The following HPSE2 variants were observed in gnomAD, a reference collection of about 807,000 sequenced individuals.
HPSE2 encodes heparanase 2 (inactive).
A neutral mutation model predicts 60.5 loss-of-function variants in HPSE2; 38 were observed. The observed-to-expected ratio is 0.63, with a 90% confidence interval of 0.48 to 0.82. The LOEUF is 0.82. HPSE2 is among the 40% of genes least tolerant of loss of function. The pLI, the probability that HPSE2 is intolerant of heterozygous loss-of-function variation, is 0.00. For synonymous variants in HPSE2, 295 were observed against 293.2 expected (o/e 1.01, Z -0.06); for missense variants, 713 against 740.4 (o/e 0.96, Z 0.43).
At chr10:98,482,503 C>G in intron 11 of HPSE2, 133 bp downstream of exon 11, 1 of 1,097,114 alleles carries the variant, frequency 9.1e-7, no homozygotes, top group Non-Finnish European at 1.4e-6. Flanking sequence ...TCACCTGACC[C>G]CAGACCGCTC....
chr10:99,003,637 G>A (rs1956825750), intron 3 of HPSE2, among the ~76,000 whole-genome samples: 1 of 151,990 alleles, frequency 6.6e-6, no homozygotes, highest in Admixed American at 6.5e-5. Context: ...CTTCTTTTGA[G>A]ATATATCTAT....
chr10:98,587,011 T>C (rs1367363426), intron 9 of HPSE2, among the ~76,000 whole-genome samples: 1 of 152,244 alleles, frequency 6.6e-6, no homozygotes, highest in Non-Finnish European at 1.5e-5. Flanking sequence ...CAGCAGGAGA[T>C]TTGAAGGATT....
chr10:98,976,586 A>C (rs1470870049), intron 3 of HPSE2, among the ~76,000 whole-genome samples: 3 of 152,102 alleles, frequency 2.0e-5, no homozygotes, highest in Admixed American at 6.6e-5. Flanking sequence ...ATATACTCTA[A>C]CGATACAATT....
intron 3 of HPSE2, among the ~76,000 whole-genome samples, chr10:99,025,390 A>G (rs762956413): frequency 1.3e-5 from 2 of 152,214 alleles, no homozygotes; most frequent in African/African-American, 2.4e-5. Context: ...CCATAAACAC[A>G]CATGCATGCA....
intron 3 of HPSE2, among the ~76,000 whole-genome samples, chr10:98,946,687 A>G (rs994679996): frequency 1.3e-5 from 2 of 152,118 alleles, no homozygotes; most frequent in African/African-American, 4.8e-5. Flanking sequence ...GCACACAAAC[A>G]CTTATAAACT....
chr10:98,938,300 G>A (rs1954872933), intron 3 of HPSE2, among the ~76,000 whole-genome samples: 3 of 144,532 alleles, frequency 2.1e-5, no homozygotes, highest in Non-Finnish European at 4.5e-5. Flanking sequence ...CGAGCTACAG[G>A]AGGAAATTCA....
intron 9 of HPSE2, among the ~76,000 whole-genome samples, chr10:98,490,768 G>A (rs1258071170): frequency 6.6e-6 from 1 of 152,112 alleles, no homozygotes; most frequent in Admixed American, 6.5e-5. Context: ...TTGCAACCAC[G>A]GTGCTAATTC....
intron 3 of HPSE2, among the ~76,000 whole-genome samples, chr10:98,844,825 A>C (rs930643325): frequency 1.3e-5 from 2 of 152,214 alleles, no homozygotes; most frequent in African/African-American, 4.8e-5. Flanking sequence ...TTTTACAGAT[A>C]AGAAATCTGA....
intron 9 of HPSE2, among the ~76,000 whole-genome samples, chr10:98,568,554 G>T (rs1944409857): frequency 6.6e-6 from 1 of 152,184 alleles, no homozygotes; most frequent in Non-Finnish European, 1.5e-5. Flanking sequence ...TGTCCTTTAA[G>T]GTTCTCAGGT....
chr10:98,528,336 C>T (rs1172308767), intron 9 of HPSE2, among the ~76,000 whole-genome samples: 2 of 152,262 alleles, frequency 1.3e-5, no homozygotes, highest in South Asian at 2.1e-4. Flanking sequence ...TTCAAATACA[C>T]TTAAGTTTTG....
rs529986586 is a variant in HPSE2, at chr10:99,230,457, C to T, written c.448+1891G>A. Among the ~76,000 whole-genome samples the T allele has an allele frequency of 1.1e-4, 16 of 152,118 alleles. No individual in the cohort carries two copies. The South Asian group carries it at 3.3e-3, about 32-fold the overall frequency. ...GTTGGACAAAACAAGAAAAGGATTCCATATGGAATGATCCTATACTGGCCC... is the reference window on the plus strand; with the variant it reads ...GTTGGACAAAACAAGAAAAGGATTCTATATGGAATGATCCTATACTGGCCC... On this transcript the variant is annotated intron_variant, in intron 2 of 11. Coordinates refer to ENST00000370552, the MANE Select transcript of HPSE2 (RefSeq NM_021828.5).
At chr10:98,705,873 A>AC (rs1948534822) in intron 5 of HPSE2, among the ~76,000 whole-genome samples, 1 of 152,194 alleles carries the variant, frequency 6.6e-6, no homozygotes, top group African/African-American at 2.4e-5. Flanking sequence ...ATGTAGACCT[A>AC]TGTAACAAAC....
At chr10:99,305,979 G>GCGTGCGCGCGCACACACACA in the HPSE2 span, among the ~76,000 whole-genome samples, 1 of 80,580 alleles carries the variant, frequency 1.2e-5, no homozygotes, top group Non-Finnish European at 2.4e-5. Context: ...GCGCGCGCGC[G>GCGTGCGCGCGCACACACACA]CACACACACA....
intron 5 of HPSE2, among the ~76,000 whole-genome samples, chr10:98,719,863 T>C (rs1948880681): frequency 6.6e-6 from 1 of 151,822 alleles, no homozygotes; most frequent in Non-Finnish European, 1.5e-5. Flanking sequence ...TAGCCAGGCA[T>C]GGTGGCACAC....
the HPSE2 span, among the ~76,000 whole-genome samples, chr10:99,265,620 G>A: frequency 2.0e-5 from 3 of 152,208 alleles, no homozygotes; most frequent in Non-Finnish European, 2.9e-5. Flanking sequence ...GCGAAAAATG[G>A]TGGATATGAG....
intron 2 of HPSE2, among the ~76,000 whole-genome samples, chr10:99,224,525 C>T (rs1411084383): frequency 6.6e-6 from 1 of 151,824 alleles, no homozygotes; most frequent in Non-Finnish European, 1.5e-5. Flanking sequence ...CTAAGAAGTA[C>T]CCAAATCAAG....
intron 3 of HPSE2, among the ~76,000 whole-genome samples, chr10:99,018,740 G>T (rs1469773327): frequency 6.6e-6 from 1 of 152,142 alleles, no homozygotes; most frequent in Non-Finnish European, 1.5e-5. Flanking sequence ...AGAAAAAGTT[G>T]CTTGAATTTA....
At chr10:99,122,425 T>C (rs982350722) in intron 3 of HPSE2, among the ~76,000 whole-genome samples, 11 of 151,928 alleles carry the variant, frequency 7.2e-5, no homozygotes, top group African/African-American at 2.7e-4. Flanking sequence ...TAAGACTGTA[T>C]ACCTATGAAA....
intron 9 of HPSE2, among the ~76,000 whole-genome samples, chr10:98,512,293 G>A (rs1214946712): frequency 6.6e-6 from 1 of 151,992 alleles, no homozygotes; most frequent in African/African-American, 2.4e-5. Context: ...TAAAATTGTC[G>A]AATGGTGGCC....
Sources: gnomAD v4.1 joint callset for allele counts (sites outside exome capture counted in the v4.1 genomes callset) on GRCh38, gnomAD v4.1.1 for gene constraint, MANE v1.5 for transcripts, NCBI Gene and HGNC (gene_info 2026-07-23, HGNC 2026-07-21) for gene names.